Variants in LINGO2 observed in about 807,000 individuals in gnomAD.
LINGO2 encodes the protein leucine rich repeat and Ig domain containing 2.
Under a neutral mutation model 30.6 loss-of-function variants are expected in LINGO2, and 14 were observed. The ratio of observed to expected loss-of-function variants is 0.46; its 90% CI spans 0.30 to 0.72. The LOEUF is 0.72. LINGO2 is among the 30% of genes least tolerant of loss of function. The pLI, the probability that LINGO2 is intolerant of heterozygous loss-of-function variation, is 0.07. For missense variants in LINGO2, 729 were observed against 751.7 expected, an observed-to-expected ratio of 0.97 and a Z score of 0.35; for synonymous variants, 317 against 288.5, an observed-to-expected ratio of 1.10 and a Z score of -1.00.
At chr9:28,704,696 A>G in the LINGO2 span, among the ~76,000 whole-genome samples, 1 of 152,170 alleles carries the variant, frequency 6.6e-6, no homozygotes, top group African/African-American at 2.4e-5. Context: ...TAGTGAGTGA[A>G]TCAAATGCAT....
chr9:28,998,900 TAA>T, the LINGO2 span, among the ~76,000 whole-genome samples: 1 of 84,838 alleles, frequency 1.2e-5, no homozygotes, highest in Admixed American at 1.3e-4. Flanking sequence ...TCAATGAAGT[TAA>T]AATTTTCTTC....
At chr9:29,020,202 TA>T in the LINGO2 span, among the ~76,000 whole-genome samples, 6,233 of 152,262 alleles carry the variant, frequency 0.041, 197 homozygotes, top group Admixed American at 0.082. Flanking sequence ...TGGGCATATA[TA>T]TCTCCTTGGC....
intron 4 of LINGO2, among the ~76,000 whole-genome samples, chr9:28,105,268 T>G (rs545144426): frequency 1.3e-3 from 197 of 152,306 alleles, no homozygotes; most frequent in Non-Finnish European, 1.8e-3. Flanking sequence ...TCAGAAAATG[T>G]GCTCTCCAGT....
chr9:28,873,707 G>C, the LINGO2 span, among the ~76,000 whole-genome samples: 1,046 of 152,084 alleles, frequency 6.9e-3, 10 homozygotes, highest in African/African-American at 0.024. Context: ...TGCAGAAAAA[G>C]ACTAAAGGAA....
At chr9:28,188,731 C>T (rs1209033960) in intron 4 of LINGO2, among the ~76,000 whole-genome samples, 1 of 152,120 alleles carries the variant, frequency 6.6e-6, no homozygotes, top group African/African-American at 2.4e-5. Context: ...GTCACTATAA[C>T]TATAGCACCT....
intron 4 of LINGO2, among the ~76,000 whole-genome samples, chr9:28,043,327 G>A (rs1824275666): frequency 6.6e-6 from 1 of 152,184 alleles, no homozygotes; most frequent in African/African-American, 2.4e-5. Context: ...TTGACTGCAT[G>A]CCCTCAACAC....
At chr9:29,159,745 C>G in the LINGO2 span, among the ~76,000 whole-genome samples, 1 of 151,304 alleles carries the variant, frequency 6.6e-6, no homozygotes, top group Non-Finnish European at 1.5e-5. Context: ...GTAATCCCAG[C>G]TACTCCGGAA....
the LINGO2 span, among the ~76,000 whole-genome samples, chr9:28,959,610 C>CCA: frequency 1.4e-5 from 2 of 141,622 alleles, no homozygotes; most frequent in Non-Finnish European, 3.0e-5. Context: ...TCTCTCTCTC[C>CCA]CTCACACACA....
chr9:28,371,012 G>A (rs1820875208), intron 3 of LINGO2, among the ~76,000 whole-genome samples: 1 of 152,178 alleles, frequency 6.6e-6, no homozygotes, highest in Non-Finnish European at 1.5e-5. Flanking sequence ...TACATAGAGT[G>A]CACGTAAATG....
chr9:28,597,148 G>A (rs1047538832), intron 1 of LINGO2, among the ~76,000 whole-genome samples: 1 of 152,086 alleles, frequency 6.6e-6, no homozygotes, highest in Non-Finnish European at 1.5e-5. Flanking sequence ...TTCCCTCCTC[G>A]AGGCATGAAA....
chr9:29,103,956 T>A, the LINGO2 span, among the ~76,000 whole-genome samples: 5 of 152,180 alleles, frequency 3.3e-5, no homozygotes, highest in African/African-American at 1.2e-4. Flanking sequence ...GCTTCTTTTC[T>A]CTAAATTTGG....
At chr9:27,944,859 T>C (rs1823303406), downstream of LINGO2, among the ~76,000 whole-genome samples, 1 of 151,978 alleles carries the variant, frequency 6.6e-6, no homozygotes, top group South Asian at 2.1e-4. Flanking sequence ...GACTGGGTCA[T>C]AGAAAAAAGG....
intron 5 of LINGO2, among the ~76,000 whole-genome samples, chr9:28,011,305 G>A (rs1396295188): frequency 6.6e-6 from 1 of 152,184 alleles, no homozygotes. Context: ...TCCTTCACAG[G>A]TTGTTTTAGG....
In LINGO2 at chr9:28,619,812, A is replaced by G. The variant is rs575510720; in HGVS notation, c.-365+50388T>C. ...TCTTTGAAACACAAAGCCAAAATTA[A>G]TAAGTAGTGACAGCTTATAGGGGTG... On this transcript the variant is annotated intron_variant, in intron 1 of 5. Coordinates refer to ENST00000379992, the Ensembl canonical transcript of LINGO2. Among the ~76,000 whole-genome samples, 50 of 152,262 alleles carry G rather than the reference A, an allele frequency of 3.3e-4. 1 individual carries two copies. Among genetic ancestry groups the G allele is most frequent in the Admixed American group, 3.1e-3 (48 of 15,288 alleles).
the LINGO2 span, among the ~76,000 whole-genome samples, chr9:29,213,100 C>T: frequency 6.6e-6 from 1 of 152,136 alleles, no homozygotes; most frequent in Non-Finnish European, 1.5e-5. Context: ...GCCTCCAAGC[C>T]TTCGTACCAG....
chr9:27,966,550 T>C (rs1298792238), intron 5 of LINGO2, among the ~76,000 whole-genome samples: 1 of 151,912 alleles, frequency 6.6e-6, no homozygotes, highest in African/African-American at 2.4e-5. Flanking sequence ...GAGGGGAACA[T>C]CCCACACTGG....
chr9:28,004,635 TC>T (rs372655540), intron 5 of LINGO2, among the ~76,000 whole-genome samples: 3 of 152,302 alleles, frequency 2.0e-5, no homozygotes, highest in Middle Eastern at 3.4e-3. Context: ...TAGTTTTTTT[TC>T]CCCAGAGTTT....
intron 4 of LINGO2, among the ~76,000 whole-genome samples, chr9:28,154,515 T>A (rs1828082950): frequency 6.6e-6 from 1 of 152,302 alleles, no homozygotes; most frequent in East Asian, 1.9e-4. Context: ...GCATATTATT[T>A]TCCTGTAATG....
chr9:28,222,667 C>T (rs1821007835), intron 4 of LINGO2, among the ~76,000 whole-genome samples: 3 of 152,192 alleles, frequency 2.0e-5, no homozygotes, highest in Non-Finnish European at 2.9e-5. Context: ...GGTTTAATAA[C>T]TATTTGGATG....
Sources: allele counts gnomAD v4.1 joint callset (sites outside exome capture counted in the v4.1 genomes callset), GRCh38; gene constraint gnomAD v4.1.1; transcripts MANE v1.5; gene names NCBI Gene and HGNC (gene_info 2026-07-23, HGNC 2026-07-21).